MYO1B: variants seen among roughly 807,000 people sequenced by gnomAD.
The protein encoded by MYO1B is unconventional myosin-Ib.
Under a neutral mutation model 159.7 loss-of-function variants are expected in MYO1B, and 72 were observed. That is an observed-to-expected ratio of 0.45 (90% CI 0.37 to 0.55). MYO1B has a LOEUF of 0.55. Ranked by LOEUF, MYO1B falls within the 20% of genes least tolerant of loss-of-function variation. The pLI is 0.00. For missense variants in MYO1B, 1,062 were observed against 1,364.8 expected, an observed-to-expected ratio of 0.78 and a Z score of 3.50; for synonymous variants, 468 against 473.8, an observed-to-expected ratio of 0.99 and a Z score of 0.16.
chr2:191,287,646 C>G (rs111330961), intron 2 of MYO1B, among the ~76,000 whole-genome samples: 2 of 152,072 alleles, frequency 1.3e-5, no homozygotes, highest in Non-Finnish European at 2.9e-5. Context: ...CACAATATTT[C>G]AAATACATTG....
At chr2:191,288,876 A>G (rs1159866068) in intron 2 of MYO1B, among the ~76,000 whole-genome samples, 1 of 152,210 alleles carries the variant, frequency 6.6e-6, no homozygotes, top group East Asian at 1.9e-4. Context: ...CACCAGCCCA[A>G]TACTTTAGAG....
At chr2:191,281,456 G>C (rs897197) in intron 2 of MYO1B, among the ~76,000 whole-genome samples, 40 of 151,984 alleles carry the variant, frequency 2.6e-4, no homozygotes, top group African/African-American at 9.4e-4. Context: ...GGTCTGACAG[G>C]CTCCGTGGGG....
rs144307083 is a variant in MYO1B at position 191,267,202 on chromosome 2, A to G, written c.-9-9685A>G. 9.9e-5 allele frequency among the ~76,000 whole-genome samples: 15 copies of G among 152,276 alleles called. No homozygotes were observed. The East Asian group carries it at 2.7e-3, about 27-fold the overall frequency. ...TTTAAGGTTGGAGTCAGGTATGGCA[A>G]ATGGGCTTCCATTTGCTTTTATCCA... On this transcript the variant is annotated intron_variant, in intron 1 of 30. Coordinates refer to ENST00000392318, the MANE Select transcript of MYO1B (RefSeq NM_001130158.3).
In MYO1B at chr2:191,315,124, C is replaced by T. The variant is rs113411290; in HGVS notation, c.252-14811C>T. ...GTATATTGTGAGGCAGATTCATCCACACCCCCACCCCTTATCCTCCCACCG... is the reference window on the plus strand; with the variant it reads ...GTATATTGTGAGGCAGATTCATCCATACCCCCACCCCTTATCCTCCCACCG... On this transcript the variant is annotated intron_variant, in intron 3 of 30. Coordinates refer to ENST00000392318, the MANE Select transcript of MYO1B (RefSeq NM_001130158.3). Among the ~76,000 whole-genome samples the T allele has an allele frequency of 4.3e-3, 645 of 151,592 alleles. 7 individuals are homozygous for T. The highest frequency in any genetic ancestry group is 0.015 in the African/African-American group (622 of 41,294).
At chr2:191,337,221 C>T (rs10199164) in intron 4 of MYO1B, among the ~76,000 whole-genome samples, 13,767 of 152,198 alleles carry the variant, frequency 0.09, 2,043 homozygotes, top group African/African-American at 0.31. Context: ...GTTTTCCCTT[C>T]CTCATTCACC....
At chr2:191,414,695 T>TC in intron 29 of MYO1B, 26 bp downstream of exon 29, 2 of 1,588,174 alleles carry the variant, frequency 1.3e-6, no homozygotes, top group Admixed American at 3.7e-5. Flanking sequence ...AAGATTTCTG[T>TC]GCTTAATCTC....
At chr2:191,402,546 C>G (rs914219697) in intron 23 of MYO1B, 86 bp from the exon 24 acceptor site, 7 of 1,137,258 alleles carry the variant, frequency 6.2e-6, no homozygotes, top group Admixed American at 2.0e-5. Flanking sequence ...TAAATTGGCT[C>G]TTCTGTTTGG....
At chr2:191,420,793 T>C (rs1447657439) in intron 30 of MYO1B, among the ~76,000 whole-genome samples, 1 of 152,242 alleles carries the variant, frequency 6.6e-6, no homozygotes, top group African/African-American at 2.4e-5. Flanking sequence ...ATTTAAGTTA[T>C]ACAATTGGTT....
intron 3 of MYO1B, among the ~76,000 whole-genome samples, chr2:191,327,119 C>T (rs1420404747): frequency 2.6e-5 from 4 of 152,194 alleles, no homozygotes; most frequent in Non-Finnish European, 5.9e-5. Flanking sequence ...GCTTTCCTTT[C>T]CTACATGAAG....
At chr2:191,393,270 C>G (rs769305808) in intron 20 of MYO1B, 48 bp downstream of exon 20, 1 of 1,594,722 alleles carries the variant, frequency 6.3e-7, no homozygotes, top group South Asian at 1.1e-5. Context: ...GCTAATTTGC[C>G]AACATTTATT....
Position 191,386,018 on chromosome 2 carries a change from CT to C in MYO1B, c.1489del (p.Ser497LeufsTer68). 6.2e-7 allele frequency: 1 copy of C among 1,614,120 alleles called. No homozygotes were observed. The highest frequency in any genetic ancestry group is 8.5e-7 in the Non-Finnish European group (1 of 1,180,016). On this transcript the variant is annotated frameshift_variant, in exon 16 of 31. Transcript: ENST00000392318. LOFTEE classifies it high-confidence loss of function. ...QHFESRMSKCSRFLNDTSLPH... is the reference protein window; with the variant it reads ...QHFESRMSKCXRFLNDTSLPH... ...ATTTTGAGAGCAGGATGAGCAAGTGCTCTCGGTTCCTCAATGACACGTCTCT... is the reference window on the plus strand; with the variant it reads ...ATTTTGAGAGCAGGATGAGCAAGTGCCTCGGTTCCTCAATGACACGTCTCT...
chr2:191,406,634 A>G (rs966888879), intron 24 of MYO1B, among the ~76,000 whole-genome samples: 1 of 152,218 alleles, frequency 6.6e-6, no homozygotes, highest in African/African-American at 2.4e-5. Flanking sequence ...CAGTCAGAAT[A>G]CACACACTGT....
At chr2:191,321,549 T>C (rs180828241) in intron 3 of MYO1B, among the ~76,000 whole-genome samples, 1 of 152,312 alleles carries the variant, frequency 6.6e-6, no homozygotes, top group East Asian at 1.9e-4. Context: ...TAAGAGCTTA[T>C]TGAATTTGAA....
chr2:191,296,231 G>A lies in MYO1B; in HGVS notation c.251+5G>A, dbSNP rs186313922. On this transcript the variant is annotated splice_donor_5th_base_variant and intron_variant, in intron 3 of 30. Coordinates refer to ENST00000392318, the MANE Select transcript of MYO1B (RefSeq NM_001130158.3). Reference sequence around the variant, plus strand: ...TTATGAACTGAGCCCTCACATGTAAGTACTGTACTAAAGCATTAAGTTTCT... The same window carrying A: ...TTATGAACTGAGCCCTCACATGTAAATACTGTACTAAAGCATTAAGTTTCT... 6.4e-6 allele frequency: 10 copies of A among 1,553,794 alleles called. No homozygotes were observed. The highest frequency in any genetic ancestry group is 4.4e-6 in the Non-Finnish European group (5 of 1,129,578).
chr2:191,260,926 C>T (rs561075229), intron 1 of MYO1B, among the ~76,000 whole-genome samples: 7 of 152,260 alleles, frequency 4.6e-5, no homozygotes, highest in Middle Eastern at 3.4e-3. Context: ...TTTTGAAAAG[C>T]CAACCAGATT....
rs1386151181 is a variant in MYO1B, at chr2:191,350,242, A to G, written c.562+17A>G. On this transcript the variant is annotated intron_variant, in intron 7 of 30. Transcript: ENST00000392318. The stretch of plus-strand genomic sequence containing the variant: ...TAAGTAACTGTGAGTATTTTTCTTC[A>G]GTCCTTGTAAAGAAGTTCAGAATAC... 3 of 1,589,582 alleles carry G rather than the reference A, an allele frequency of 1.9e-6. No homozygotes were observed. The highest frequency in any genetic ancestry group is 4.5e-5 in the East Asian group (2 of 44,554).
At chr2:191,363,706 G>T in intron 9 of MYO1B, 22 bp from the exon 10 acceptor site, 1 of 1,567,680 alleles carries the variant, frequency 6.4e-7, no homozygotes, top group Non-Finnish European at 8.6e-7. Flanking sequence ...AAAAATAGTT[G>T]CTTTTTTTTT....
At position 191,383,305 on chromosome 2, in the gene MYO1B, A is replaced by G; in HGVS notation, c.1316A>G (p.Tyr439Cys). The G allele has an allele frequency of 1.3e-6, 2 of 1,582,320 alleles. No homozygotes were observed. The highest frequency in any genetic ancestry group is 8.6e-7 in the Non-Finnish European group (1 of 1,166,502). The change falls in exon 15 of 31, where the codon TAC becomes TGC. Residue 439 changes from tyrosine (Y) to cysteine (C), a missense_variant. This residue lies in a region of MYO1B where 415 missense variants were observed against 544.0 expected (regional missense o/e 0.76). Coordinates refer to ENST00000392318, the MANE Select transcript of MYO1B (RefSeq NM_001130158.3). ...REDIEWTHIDYFNNAIICDLI... is the reference protein window; with the variant it reads ...REDIEWTHIDCFNNAIICDLI... Reference sequence around the variant, plus strand: ...GATATAGAATGGACTCACATTGACTACTTCAATAATGCTATCATTTGTGAC... The same window carrying G: ...GATATAGAATGGACTCACATTGACTGCTTCAATAATGCTATCATTTGTGAC...
intron 2 of MYO1B, among the ~76,000 whole-genome samples, chr2:191,293,178 G>T (rs534934874): frequency 2.0e-5 from 3 of 152,168 alleles, no homozygotes; most frequent in African/African-American, 7.2e-5. Context: ...ACTTCCCTTT[G>T]GTTAAATCAA....
Sources: allele counts gnomAD v4.1 joint callset (sites outside exome capture counted in the v4.1 genomes callset), GRCh38; gene constraint gnomAD v4.1.1; regional missense constraint gnomAD v4.1.1; transcripts MANE v1.5; gene names NCBI Gene and HGNC (gene_info 2026-07-23, HGNC 2026-07-21).